The following EIF3H variants were observed in gnomAD, a reference collection of about 807,000 sequenced individuals.
EIF3H encodes eIF-3-gamma.
A neutral mutation model predicts 44.2 loss-of-function variants in EIF3H; 26 were observed. That is an observed-to-expected ratio of 0.59 (90% confidence interval 0.43 to 0.82). EIF3H has a LOEUF of 0.82. EIF3H is among the 40% of genes least tolerant of loss of function. EIF3H has a pLI of 0.00. For synonymous variants in EIF3H, 166 were observed against 151.9 expected (o/e 1.09, Z -0.68); for missense variants, 359 against 432.8 (o/e 0.83, Z 1.51).
chr8:116,643,951 C>G lies in EIF3H; in HGVS notation c.*1055G>C, dbSNP rs532811618. The G allele has an allele frequency of 6.6e-6, 1 of 152,158 alleles. No homozygotes were observed. The highest frequency in any genetic ancestry group is 1.9e-4 in the East Asian group (1 of 5,202). The allele number at this position is 152,158 out of a possible 1,614,324, so 9.4% of individuals were successfully genotyped here. A position where few individuals can be genotyped will look rare whatever the true frequency, so the allele number is the denominator to read the frequency against. The stretch of plus-strand genomic sequence containing the variant: ...AAAATATGTTTTTCCCAATGTACTA[C>G]CATTCTCCTAATTCCTAATTCCTCA... On this transcript the variant is annotated 3_prime_UTR_variant, in exon 8 of 8. Coordinates refer to ENST00000521861, the MANE Select transcript of EIF3H (RefSeq NM_003756.3).
At chr8:116,694,694 C>T (rs965996205) in intron 2 of EIF3H, among the ~76,000 whole-genome samples, 5 of 152,158 alleles carry the variant, frequency 3.3e-5, no homozygotes, top group African/African-American at 1.2e-4. Flanking sequence ...AACTGTTTCA[C>T]AATTTTTTTG....
At chr8:116,663,891 A>G (rs952017231) in intron 2 of EIF3H, among the ~76,000 whole-genome samples, 1 of 146,728 alleles carries the variant, frequency 6.8e-6, no homozygotes, top group East Asian at 2.1e-4. Context: ...AGATCACACC[A>G]CTGCACTCCA....
chr8:116,738,709 C>T (rs566252244), intron 1 of EIF3H, among the ~76,000 whole-genome samples: 8 of 152,158 alleles, frequency 5.3e-5, no homozygotes, highest in Non-Finnish European at 1.0e-4. Context: ...TAATTAGGGA[C>T]GGAAGTAATT....
At chr8:116,688,882 G>T (rs1814125416) in intron 2 of EIF3H, among the ~76,000 whole-genome samples, 1 of 152,102 alleles carries the variant, frequency 6.6e-6, no homozygotes. Flanking sequence ...CAACTGCTTT[G>T]GAAAACAGCT....
intron 2 of EIF3H, among the ~76,000 whole-genome samples, chr8:116,703,673 C>T (rs906971078): frequency 6.6e-6 from 1 of 152,212 alleles, no homozygotes; most frequent in Non-Finnish European, 1.5e-5. Context: ...GGACACATGG[C>T]TTGTGTGACC....
rs553363058 is a variant in EIF3H at position 116,653,921 on chromosome 8, G to A, written c.707+1935C>T. On this transcript the variant is annotated intron_variant, in intron 5 of 7. Coordinates refer to ENST00000521861, the MANE Select transcript of EIF3H (RefSeq NM_003756.3). Reference sequence around the variant, plus strand: ...TGCCCATGTCTATAGGCTGTGAAAGGAAAGACCAAGTTTAAGCACCTGCAT... The same window carrying A: ...TGCCCATGTCTATAGGCTGTGAAAGAAAAGACCAAGTTTAAGCACCTGCAT... Among the ~76,000 whole-genome samples, 54 of 152,332 alleles carry A rather than the reference G, an allele frequency of 3.5e-4. 2 individuals carry two copies. The South Asian group carries it at 9.3e-3, about 26-fold the overall frequency.
chr8:116,645,110 A>C lies in EIF3H; in HGVS notation c.962-7T>G, dbSNP rs1414235686. 1 of 1,610,490 alleles carries C rather than the reference A, an allele frequency of 6.2e-7. No homozygotes were observed. ...CAGTAAGTGTTTATCTGGCCTGTGC[A>C]TTTGAGAAAGAGATAGAGCCATAAT... On this transcript the variant is annotated splice_region_variant and splice_polypyrimidine_tract_variant and intron_variant, in intron 7 of 7. Coordinates refer to ENST00000521861, the MANE Select transcript of EIF3H (RefSeq NM_003756.3).
At chr8:116,712,115 G>A (rs1398623989) in intron 2 of EIF3H, among the ~76,000 whole-genome samples, 2 of 152,256 alleles carry the variant, frequency 1.3e-5, no homozygotes, top group Non-Finnish European at 2.9e-5. Context: ...CGCCGCCGCC[G>A]CTGCTGCTGC....
chr8:116,746,323 T>C (rs543152751), intron 1 of EIF3H, among the ~76,000 whole-genome samples: 2 of 152,374 alleles, frequency 1.3e-5, no homozygotes, highest in East Asian at 3.9e-4. Flanking sequence ...TTCCTCCATC[T>C]GTACATTAAT....
chr8:116,671,422 T>C (rs1436840387), intron 2 of EIF3H, among the ~76,000 whole-genome samples: 1 of 152,214 alleles, frequency 6.6e-6, no homozygotes, highest in East Asian at 1.9e-4. Flanking sequence ...CAACAAAATC[T>C]TCCTTTTCCC....
upstream of EIF3H, chr8:116,766,356 G>A: frequency 2.4e-6 from 1 of 420,252 alleles, no homozygotes; most frequent in Non-Finnish European, 4.2e-6. Flanking sequence ...GCACCCCAGC[G>A]GTTTTCCAGC....
At chr8:116,751,433 T>G (rs924232844) in intron 1 of EIF3H, among the ~76,000 whole-genome samples, 2 of 152,170 alleles carry the variant, frequency 1.3e-5, no homozygotes, top group Non-Finnish European at 2.9e-5. Context: ...GTCCCTGCCC[T>G]CAGTAGCATA....
intron 1 of EIF3H, among the ~76,000 whole-genome samples, chr8:116,730,666 A>T (rs747823798): frequency 6.6e-6 from 1 of 152,228 alleles, no homozygotes; most frequent in Non-Finnish European, 1.5e-5. Flanking sequence ...ATAGAGACAG[A>T]ATCCATGTTG....
In EIF3H at chr8:116,646,503, G is replaced by A. The variant is rs200688884; in HGVS notation, c.929C>T (p.Pro310Leu). The A allele has an allele frequency of 1.2e-4, 191 of 1,614,178 alleles. No homozygotes were observed. Among genetic ancestry groups the A allele is most frequent in the East Asian group, 1.8e-4 (8 of 44,888 alleles). The change falls in exon 7 of 8, where the codon CCG becomes CTG. Residue 310 changes from proline (P) to leucine (L), a missense_variant. This residue lies in a region of EIF3H where 94 missense variants were observed against 96.0 expected (regional missense o/e 0.98). Transcript: ENST00000521861. ...GAGCAGCGAGTCCATCCTGGCAGGC[G>A]GCTGTGGTGGTTTGAAGAGTTTGGA... ...DLSKLFKPPQ[P>L]PARMDSLLIA...
At chr8:116,655,080 GC>G (rs1813466741) in intron 5 of EIF3H, among the ~76,000 whole-genome samples, 1 of 151,778 alleles carries the variant, frequency 6.6e-6, no homozygotes, top group Non-Finnish European at 1.5e-5. Flanking sequence ...TCTGCTGCTA[GC>G]CTCCTTCCAC....
intron 2 of EIF3H, among the ~76,000 whole-genome samples, chr8:116,667,278 A>G (rs1813685762): frequency 6.6e-6 from 1 of 152,178 alleles, no homozygotes; most frequent in African/African-American, 2.4e-5. Flanking sequence ...CCTGAATGAA[A>G]TTACCCTAAC....
intron 2 of EIF3H, among the ~76,000 whole-genome samples, chr8:116,711,223 G>T (rs763160802): frequency 6.6e-6 from 1 of 152,020 alleles, no homozygotes; most frequent in Non-Finnish European, 1.5e-5. Context: ...AAAGGGGCAG[G>T]GAGGCAAACC....
chr8:116,714,995 G>A (rs1814638425), intron 2 of EIF3H, among the ~76,000 whole-genome samples: 1 of 152,036 alleles, frequency 6.6e-6, no homozygotes, highest in South Asian at 2.1e-4. Context: ...TGAGATTTGA[G>A]GAAGCAAGTA....
At chr8:116,756,124 A>G, upstream of EIF3H, 1 of 997,620 alleles carries the variant, frequency 1.0e-6, no homozygotes, top group Non-Finnish European at 1.5e-6. Flanking sequence ...CTTATGTAAA[A>G]ATGCTTTCAT....
Sources: allele counts gnomAD v4.1 joint callset (sites outside exome capture counted in the v4.1 genomes callset), GRCh38; gene constraint gnomAD v4.1.1; regional missense constraint gnomAD v4.1.1; transcripts MANE v1.5; gene names NCBI Gene and HGNC (gene_info 2026-07-23, HGNC 2026-07-21).